Variants in DNAH2 observed in about 807,000 individuals in gnomAD.
DNAH2 encodes dynein axonemal heavy chain 2, also known as axonemal beta dynein heavy chain 2.
DNAH2 carries 323 observed loss-of-function variants against 523.5 expected under a neutral mutation model. The ratio of observed to expected loss-of-function variants is 0.62; its 90% CI spans 0.56 to 0.68. DNAH2 has a LOEUF of 0.68. Among genes scored for constraint, DNAH2 ranks in the 30% least tolerant of loss-of-function variants. The pLI is 0.00. For missense variants in DNAH2, 4,907 were observed against 5,701.5 expected (o/e 0.86, Z 4.49); for synonymous variants, 2,093 against 2,177.4 (o/e 0.96, Z 1.08).
At chr17:7,750,867 T>A (rs916367317) in intron 12 of DNAH2, among the ~76,000 whole-genome samples, 5 of 152,146 alleles carry the variant, frequency 3.3e-5, no homozygotes, top group Non-Finnish European at 7.4e-5. Context: ...TCTTCTCCAA[T>A]AAAGACGGTA....
intron 5 of DNAH2, 45 bp downstream of exon 5, chr17:7,733,360 C>T (rs1430098629): frequency 1.3e-6 from 2 of 1,582,002 alleles, no homozygotes; most frequent in South Asian, 2.2e-5. Flanking sequence ...TAGTGTCCCC[C>T]AACTGTACAA....
At chr17:7,794,469 T>C in intron 49 of DNAH2, 111 bp downstream of exon 49, 1 of 921,328 alleles carries the variant, frequency 1.1e-6, no homozygotes, top group Non-Finnish European at 1.6e-6. Context: ...CAAGTGGAGC[T>C]CCACGCAGGA....
chr17:7,747,302 T>C (rs1215508243), intron 12 of DNAH2, among the ~76,000 whole-genome samples: 1 of 152,012 alleles, frequency 6.6e-6, no homozygotes, highest in East Asian at 1.9e-4. Context: ...TAACAATCTG[T>C]GTGGGGGATC....
chr17:7,768,346 C>G, intron 24 of DNAH2, 79 bp downstream of exon 24: 13 of 1,417,046 alleles, frequency 9.2e-6, no homozygotes, highest in Non-Finnish European at 1.3e-5. Context: ...CCATTCTCCT[C>G]TCCGCAGTGT....
Position 7,823,961 on chromosome 17 carries a change from G to T in DNAH2, c.11457G>T (p.Pro3819=). Reference sequence around the variant, plus strand: ...ACCTTGGCTCCCGCTTCATCGAGCCGCCTGTGCTGAATATGAAGTCGGTCG... The same window carrying T: ...ACCTTGGCTCCCGCTTCATCGAGCCTCCTGTGCTGAATATGAAGTCGGTCG... The part of the protein sequence containing the change: ...ITNLGSRFIE[P]PVLNMKSVLE... The change falls in exon 75 of 86, where the codon CCG becomes CCT. Residue 3819 remains proline (P), a synonymous_variant. Coordinates refer to ENST00000572933, the MANE Select transcript of DNAH2 (RefSeq NM_020877.5). 1 of 1,613,484 alleles carries T rather than the reference G, an allele frequency of 6.2e-7. No individual in the cohort carries two copies.
intron 44 of DNAH2, 77 bp downstream of exon 44, chr17:7,788,321 G>A (rs965401708): frequency 4.2e-5 from 61 of 1,466,234 alleles, no homozygotes; most frequent in Admixed American, 4.9e-5. Context: ...GGGAAACGGC[G>A]TGTCTGAGAC....
rs2077131641 is a variant in DNAH2 at position 7,798,534 on chromosome 17, G to A, written c.8399-24G>A. On this transcript the variant is annotated intron_variant, in intron 54 of 85. Coordinates refer to ENST00000572933, the MANE Select transcript of DNAH2 (RefSeq NM_020877.5). This position sits in a 1 kb window ranked among gnomAD's most constrained non-coding sequence, Gnocchi z 5.5. ...AGGATGGGGAATCTGCAGTGAGTTT[G>A]TCCTCCTTCCCTCCCCCGGCCAGAT... 2 of 1,612,750 alleles carry A rather than the reference G, an allele frequency of 1.2e-6. No individual in the cohort carries two copies. The highest frequency in any genetic ancestry group is 1.7e-6 in the Non-Finnish European group (2 of 1,179,562).
At position 7,754,892 on chromosome 17, in the gene DNAH2, G is replaced by C; in HGVS notation, c.1905-2199G>C. 1 of 592,190 alleles carries C rather than the reference G, an allele frequency of 1.7e-6. No homozygotes were observed. The highest frequency in any genetic ancestry group is 3.0e-6 in the Non-Finnish European group (1 of 332,210). The allele number at this position is 592,190 out of a possible 1,614,324, so 36.7% of individuals were successfully genotyped here. Reference sequence around the variant, plus strand: ...CCAACGTGAGGACAGAAGGACAGGTGCCACCCACCCCGGGCTGCCGTCTGC... The same window carrying C: ...CCAACGTGAGGACAGAAGGACAGGTCCCACCCACCCCGGGCTGCCGTCTGC... On this transcript the variant is annotated intron_variant, in intron 12 of 85. Transcript: ENST00000572933. The surrounding 1 kb of genome is among the most constrained non-coding windows in gnomAD (Gnocchi z 4.6).
intron 11 of DNAH2, among the ~76,000 whole-genome samples, chr17:7,741,236 C>CTCTTTCTTTCTTTCTTTCTTTCTTTCTT (rs71387996): frequency 8.2e-5 from 7 of 85,596 alleles, no homozygotes; most frequent in Non-Finnish European, 7.7e-5. Context: ...TTTTCTCTCT[C>CTCTTTCTTTCTTTCTTTCTTTCTTTCTT]TCTTTCTTTC....
chr17:7,770,967 C>T, intron 27 of DNAH2, 34 bp downstream of exon 27: 1 of 1,603,322 alleles, frequency 6.2e-7, no homozygotes, highest in Admixed American at 1.7e-5. Context: ...TTCCTGCTTC[C>T]TGCTCTTACT....
chr17:7,793,648 G>T (rs1216197278), intron 48 of DNAH2, among the ~76,000 whole-genome samples: 3 of 151,264 alleles, frequency 2.0e-5, no homozygotes, highest in African/African-American at 7.3e-5. Context: ...GATTTTTAGT[G>T]GACACAAGGT....
At chr17:7,799,884 C>T (rs1318295401) in intron 56 of DNAH2, among the ~76,000 whole-genome samples, 4 of 152,146 alleles carry the variant, frequency 2.6e-5, no homozygotes, top group Non-Finnish European at 4.4e-5. Context: ...AGTGCTCAGT[C>T]GTGTGAAGTA....
Position 7,818,019 on chromosome 17 carries a change from C to T in DNAH2, c.10310C>T (p.Pro3437Leu), listed in dbSNP as rs377048193. 4 of 1,614,004 alleles carry T rather than the reference C, an allele frequency of 2.5e-6. No homozygotes were observed. Among genetic ancestry groups the T allele is most frequent in the African/African-American group, 1.3e-5 (1 of 74,904 alleles). ...GAACACGCCATTCACTTTGGATACC[C>T]GGTGCTACTTCAGAACGTGCAGGAA... Reference protein sequence around the residue: ...ILEHAIHFGYPVLLQNVQEYL... With the variant: ...ILEHAIHFGYLVLLQNVQEYL... The change falls in exon 68 of 86, where the codon CCG becomes CTG. Residue 3437 changes from proline to leucine, a missense_variant. Transcript: ENST00000572933.
At position 7,807,943 on chromosome 17, in the gene DNAH2, G is replaced by A. The variant is rs1315974107; in HGVS notation, c.9729+357G>A. ...TTTGCCAGAGGGATGGGTCAAGAGT[G>A]TCTGTGTCGCTTCTGTGGACCAAGA... is the stretch of plus-strand genomic sequence containing the variant. On this transcript the variant is annotated intron_variant, in intron 63 of 85. Transcript: ENST00000572933. This position sits in a 1 kb window ranked among gnomAD's most constrained non-coding sequence, Gnocchi z 5.6. 6.6e-6 allele frequency among the ~76,000 whole-genome samples: 1 copy of A among 152,172 alleles called. No individual in the cohort carries two copies. Among genetic ancestry groups the A allele is most frequent in the African/African-American group, 2.4e-5 (1 of 41,434 alleles).
At chr17:7,830,162 G>A (rs2078129580) in intron 77 of DNAH2, 138 bp from the exon 78 acceptor site, 3 of 816,248 alleles carry the variant, frequency 3.7e-6, no homozygotes, top group Non-Finnish European at 5.5e-6. Context: ...TAGATCAACG[G>A]CTACATTTCA....
rs1597543345 is a variant in DNAH2, at chr17:7,754,694, C to A, written c.1905-2397C>A. On this transcript the variant is annotated intron_variant, in intron 12 of 85. Transcript: ENST00000572933. This position sits in a 1 kb window ranked among gnomAD's most constrained non-coding sequence, Gnocchi z 4.6. ...GACTTGCCTACATTGCCCACCCCAACCTTGGGAAGCTTGCTCGTGCCCGCA... is the reference window on the plus strand; with the variant it reads ...GACTTGCCTACATTGCCCACCCCAAACTTGGGAAGCTTGCTCGTGCCCGCA... The A allele has an allele frequency of 2.4e-6, 3 of 1,234,346 alleles. No homozygotes were observed. The highest frequency in any genetic ancestry group is 1.7e-5 in the Admixed American group (1 of 59,116). 76.5% of individuals were successfully genotyped at this position (1,234,346 alleles called of 1,614,324 possible). A position where few individuals can be genotyped will look rare whatever the true frequency, so the allele number is the denominator to read the frequency against.
chr17:7,816,770 T>G (rs1260020848), intron 64 of DNAH2, 35 bp downstream of exon 64: 2 of 1,604,670 alleles, frequency 1.2e-6, no homozygotes, highest in Non-Finnish European at 1.7e-6. Context: ...GTCCTTTCAC[T>G]CTGCTCGCCA....
chr17:7,794,402 G>A, intron 49 of DNAH2, 44 bp downstream of exon 49: 2 of 1,541,574 alleles, frequency 1.3e-6, no homozygotes, highest in Non-Finnish European at 1.8e-6. Context: ...AGGGTAGGAG[G>A]TGAAACGTGT....
chr17:7,760,030 C>A lies in DNAH2; in HGVS notation c.2785+92C>A. The A allele has an allele frequency of 6.4e-7, 1 of 1,571,340 alleles. No individual in the cohort carries two copies. The highest frequency in any genetic ancestry group is 8.7e-7 in the Non-Finnish European group (1 of 1,149,092). ...AGGAGAGACCAGGGCTATTTCCAGG[C>A]ATACTGGGCCAGTCACCTCCCTGAC... On this transcript the variant is annotated intron_variant, in intron 17 of 85. Transcript: ENST00000572933. The surrounding 1 kb of genome is among the most constrained non-coding windows in gnomAD (Gnocchi z 4.0).
Sources: gnomAD v4.1 joint callset for allele counts (sites outside exome capture counted in the v4.1 genomes callset) on GRCh38, gnomAD v4.1.1 for gene constraint, Gnocchi (gnomAD v3.1) non-coding constraint, MANE v1.5 for transcripts, NCBI Gene and HGNC (gene_info 2026-07-23, HGNC 2026-07-21) for gene names.